The following TMPRSS2 variants were observed in gnomAD, a reference collection of about 807,000 sequenced individuals.
TMPRSS2 encodes the protein transmembrane serine protease 2.
A neutral mutation model predicts 67.4 loss-of-function variants in TMPRSS2; 59 were observed. That is an observed-to-expected ratio of 0.88 (90% CI 0.71 to 1.09). The LOEUF (loss-of-function observed/expected upper bound fraction) is 1.09, where lower values mean the gene tolerates loss of function less well. TMPRSS2 is among the 50% of genes least tolerant of loss of function. The probability of loss-of-function intolerance (pLI) is 0.00; values close to 1 mark genes in which losing one functional copy is unlikely to be tolerated. For synonymous variants in TMPRSS2, 257 were observed against 257.0 expected, an observed-to-expected ratio of 1.00 and a Z score of 0.00; for missense variants, 668 against 642.7, an observed-to-expected ratio of 1.04 and a Z score of -0.43.
chr21:41,491,855 C>T (rs895527753), intron 3 of TMPRSS2, among the ~76,000 whole-genome samples: 2 of 152,198 alleles, frequency 1.3e-5, no homozygotes, highest in Non-Finnish European at 2.9e-5. Flanking sequence ...TGGGTCTTGG[C>T]TTGTCACGGC....
At chr21:41,469,871 A>C (rs2091116374) in intron 11 of TMPRSS2, among the ~76,000 whole-genome samples, 1 of 152,060 alleles carries the variant, frequency 6.6e-6, no homozygotes, top group Non-Finnish European at 1.5e-5. Context: ...GCGCACAAAT[A>C]TTTGTCGATA....
chr21:41,494,841 C>T (rs1037304885), intron 2 of TMPRSS2: 13 of 449,774 alleles, frequency 2.9e-5, no homozygotes, highest in African/African-American at 6.0e-5. Flanking sequence ...GAGGCCGAGG[C>T]GGGCGGATCA....
At chr21:41,480,452 C>T (rs1485743990) in intron 6 of TMPRSS2, 24 bp downstream of exon 6, 6 of 1,608,984 alleles carry the variant, frequency 3.7e-6, no homozygotes, top group Middle Eastern at 1.6e-4. Flanking sequence ...TACTGTCACT[C>T]GGCGGGTGCT....
At chr21:41,479,109 T>A in intron 7 of TMPRSS2, 63 bp downstream of exon 7, 1 of 1,262,960 alleles carries the variant, frequency 7.9e-7, no homozygotes, top group Non-Finnish European at 1.2e-6. Context: ...AGGACAACGA[T>A]TCCCCATGGT....
intron 3 of TMPRSS2, among the ~76,000 whole-genome samples, chr21:41,489,827 A>G (rs933649798): frequency 2.0e-5 from 3 of 152,172 alleles, no homozygotes; most frequent in Non-Finnish European, 4.4e-5. Context: ...TCAGCAAAGT[A>G]CACCGAGGTT....
intron 5 of TMPRSS2, among the ~76,000 whole-genome samples, chr21:41,482,229 C>T (rs1159969964): frequency 2.6e-5 from 4 of 152,066 alleles, no homozygotes; most frequent in African/African-American, 4.8e-5. Context: ...CCGTTGAAGT[C>T]GCTCCCTATT....
chr21:41,476,435 G>GCGAGA (rs2091213571), intron 8 of TMPRSS2, 142 bp downstream of exon 8: 5 of 759,060 alleles, frequency 6.6e-6, no homozygotes, highest in African/African-American at 1.8e-5. Context: ...CTTGGAAAGA[G>GCGAGA]CGAGACGCCG....
At chr21:41,496,404 G>A (rs1418280803) in intron 2 of TMPRSS2, among the ~76,000 whole-genome samples, 1 of 152,216 alleles carries the variant, frequency 6.6e-6, no homozygotes, top group African/African-American at 2.4e-5. Context: ...TAGCAGCTCT[G>A]CTGCAATAAA....
intron 5 of TMPRSS2, among the ~76,000 whole-genome samples, chr21:41,485,542 G>T (rs2091290216): frequency 6.6e-6 from 1 of 151,802 alleles, no homozygotes; most frequent in Non-Finnish European, 1.5e-5. Context: ...CCAGCCACTT[G>T]GGGGGCTGAG....
chr21:41,478,784 G>A lies in TMPRSS2; in HGVS notation c.683+388C>T, dbSNP rs2091235523. On this transcript the variant is annotated intron_variant, in intron 7 of 13. Coordinates refer to ENST00000332149, the MANE Select transcript of TMPRSS2 (RefSeq NM_005656.4). The surrounding 1 kb of genome is among the most constrained non-coding windows in gnomAD (Gnocchi z 4.0). ...AGTGAAGTCCCTGGCAAACTGGAATGAGCCGGTCACCCTGGCTGGGACACT... is the reference window on the plus strand; with the variant it reads ...AGTGAAGTCCCTGGCAAACTGGAATAAGCCGGTCACCCTGGCTGGGACACT... Among the ~76,000 whole-genome samples, 1 of 152,214 alleles carries A rather than the reference G, an allele frequency of 6.6e-6. No individual in the cohort carries two copies. The highest frequency in any genetic ancestry group is 6.5e-5 in the Admixed American group (1 of 15,286).
chr21:41,497,125 C>T (rs2091389682), intron 2 of TMPRSS2, among the ~76,000 whole-genome samples: 1 of 152,158 alleles, frequency 6.6e-6, no homozygotes, highest in Non-Finnish European at 1.5e-5. Context: ...CAGGCATGAG[C>T]CACCACGCCC....
At chr21:41,475,527 GGGGTGA>G (rs2091200734) in intron 8 of TMPRSS2, among the ~76,000 whole-genome samples, 1 of 31,102 alleles carries the variant, frequency 3.2e-5, no homozygotes, top group African/African-American at 1.5e-4. Flanking sequence ...GGTGAGTGAG[GGGGTGA>G]AGGGTGAGTG....
chr21:41,497,367 C>T (rs755692497), intron 2 of TMPRSS2, among the ~76,000 whole-genome samples: 2 of 152,160 alleles, frequency 1.3e-5, no homozygotes, highest in African/African-American at 2.4e-5. Context: ...CAGAGCAGCA[C>T]ACAGAGGGAA....
rs2146427862 is a variant in TMPRSS2, at chr21:41,471,878, G to A, written c.1003C>T (p.Pro335Ser). 1.2e-6 allele frequency: 2 copies of A among 1,613,454 alleles called. No homozygotes were observed. Among genetic ancestry groups the A allele is most frequent in the Non-Finnish European group, 1.7e-6 (2 of 1,179,862 alleles). The change falls in exon 10 of 14, where the codon CCA becomes TCA. Residue 335 changes from proline (P) to serine (S), a missense_variant. Transcript: ENST00000332149. ...TTCTTGGTCTTGGAGTCATAATTTG[G>A]ATGAGAAATCACTTTTTCTACTTGG... is the stretch of plus-strand genomic sequence containing the variant. The part of the protein sequence containing the change: ...GYQVEKVISH[P>S]NYDSKTKNND...
Position 41,466,079 on chromosome 21 carries a change from G to A in TMPRSS2, c.*63C>T, listed in dbSNP as rs2091080524. 6.3e-7 allele frequency: 1 copy of A among 1,596,578 alleles called. No homozygotes were observed. On this transcript the variant is annotated 3_prime_UTR_variant, in exon 14 of 14. Transcript: ENST00000332149. ...CATCTCTAAGAGTAAATCATGCACG[G>A]GGAAGCAAAACCAGCCCCATTGTTT...
chr21:41,507,875 G>T (rs2091469355), intron 1 of TMPRSS2: 23 of 1,463,232 alleles, frequency 1.6e-5, no homozygotes, highest in Admixed American at 2.2e-5. Flanking sequence ...GGTCCCAGGC[G>T]CCCAGCACTC....
At position 41,473,306 on chromosome 21, in the gene TMPRSS2, C is replaced by G; in HGVS notation, c.899+19G>C. ...GCCAGCCCTGAGCCCCCACCCGGCC[C>G]GCGCCGCCCCTGGCATACTTTTCCA... On this transcript the variant is annotated intron_variant, in intron 9 of 13. Transcript: ENST00000332149. The G allele has an allele frequency of 6.4e-7, 1 of 1,564,086 alleles. No homozygotes were observed. Among genetic ancestry groups the G allele is most frequent in the Non-Finnish European group, 8.7e-7 (1 of 1,151,248 alleles).
chr21:41,488,040 G>GCCCA, intron 5 of TMPRSS2: 1 of 183,512 alleles, frequency 5.4e-6, no homozygotes, highest in African/African-American at 2.3e-5. Flanking sequence ...TGATCCATCT[G>GCCCA]CCTCGGCCTC....
rs1479230213 is a variant in TMPRSS2 at position 41,465,695 on chromosome 21, G to A, written c.*447C>T. On this transcript the variant is annotated 3_prime_UTR_variant, in exon 14 of 14. Coordinates refer to ENST00000332149, the MANE Select transcript of TMPRSS2 (RefSeq NM_005656.4). The stretch of plus-strand genomic sequence containing the variant: ...AAATCCCCTTGTGGAGAGGTAGGCT[G>A]GGGACACTACCAAGTGGCCCCAGAG... 1 of 253,428 alleles carries A rather than the reference G, an allele frequency of 3.9e-6. No homozygotes were observed. The highest frequency in any genetic ancestry group is 5.3e-5 in the Admixed American group (1 of 18,804). 15.7% of individuals were successfully genotyped at this position (253,428 alleles called of 1,614,324 possible). A position where few individuals can be genotyped will look rare whatever the true frequency, so the allele number is the denominator to read the frequency against.
Sources: allele counts gnomAD v4.1 joint callset (sites outside exome capture counted in the v4.1 genomes callset), GRCh38; gene constraint gnomAD v4.1.1; non-coding constraint Gnocchi (gnomAD v3.1); transcripts MANE v1.5; gene names NCBI Gene and HGNC (gene_info 2026-07-23, HGNC 2026-07-21).